Variants in FAAH2 observed in about 807,000 individuals in gnomAD.
FAAH2 encodes fatty-acid amide hydrolase 2.
FAAH2 carries 60 observed loss-of-function variants against 36.9 expected under a neutral mutation model. That is an observed-to-expected ratio of 1.63 (90% confidence interval 1.32 to 2.02). The LOEUF (loss-of-function observed/expected upper bound fraction) is 2.02. Among genes scored for constraint, FAAH2 ranks in the 30% most tolerant of loss-of-function variants. FAAH2 has a pLI of 0.00. For synonymous variants in FAAH2, 214 were observed against 143.8 expected (o/e 1.49, Z -3.49); for missense variants, 689 against 397.5 (o/e 1.73, Z -6.23).
the FAAH2 span, among the ~76,000 whole-genome samples, chrX:57,219,863 C>CTTTT: frequency 9.0e-3 from 321 of 35,615 alleles, 51 homozygotes; most frequent in African/African-American, 0.031. Context: ...AGCGCCTTGT[C>CTTTT]TTTTTTTTTT....
chrX:57,433,180 C>T (rs1190582989), intron 8 of FAAH2, among the ~76,000 whole-genome samples: 1 of 111,383 alleles, frequency 9.0e-6, no homozygotes, highest in South Asian at 3.7e-4. Flanking sequence ...TTCCAGAAGA[C>T]ACTGTCTTAT....
At chrX:57,283,134 C>A (rs932199302), upstream of FAAH2, among the ~76,000 whole-genome samples, 6 of 112,304 alleles carry the variant, frequency 5.3e-5, no homozygotes, top group South Asian at 2.2e-3. Context: ...GGGAACAGAC[C>A]AGCCTCTTCT....
At chrX:57,484,564 T>C (rs1301076310) in intron 10 of FAAH2, among the ~76,000 whole-genome samples, 4 of 111,980 alleles carry the variant, frequency 3.6e-5, no homozygotes, top group Non-Finnish European at 7.5e-5. Context: ...AATGCCTCTC[T>C]TGCAACTCTC....
intron 5 of FAAH2, among the ~76,000 whole-genome samples, chrX:57,376,069 C>A (rs999765647): frequency 1.8e-5 from 2 of 111,188 alleles, no homozygotes; most frequent in African/African-American, 3.3e-5. Context: ...GGATATTATT[C>A]TGTTTCATTA....
At chrX:57,424,093 T>G (rs1041641871) in intron 7 of FAAH2, among the ~76,000 whole-genome samples, 2 of 111,931 alleles carry the variant, frequency 1.8e-5, no homozygotes, top group Non-Finnish European at 3.8e-5. Flanking sequence ...ACCCACCTGG[T>G]ACATTAAGAC....
At chrX:57,406,720 A>G (rs948269164) in intron 7 of FAAH2, among the ~76,000 whole-genome samples, 1 of 112,662 alleles carries the variant, frequency 8.9e-6, no homozygotes, top group Non-Finnish European at 1.9e-5. Flanking sequence ...TGCAGCCCAA[A>G]ACATACAGTT....
At chrX:57,178,596 T>C in the FAAH2 span, among the ~76,000 whole-genome samples, 1 of 111,772 alleles carries the variant, frequency 8.9e-6, no homozygotes, top group African/African-American at 3.3e-5. Context: ...AAGTCCACAC[T>C]CTGGCTCCTT....
At chrX:57,466,316 C>T (rs1404298730) in intron 10 of FAAH2, among the ~76,000 whole-genome samples, 1 of 106,064 alleles carries the variant, frequency 9.4e-6, no homozygotes, top group Non-Finnish European at 1.9e-5. Flanking sequence ...CTGTTTTAAT[C>T]CATAAATCAG....
intron 7 of FAAH2, among the ~76,000 whole-genome samples, chrX:57,419,058 T>TA (rs1223873623): frequency 9.4e-6 from 1 of 106,899 alleles, no homozygotes; most frequent in African/African-American, 3.4e-5. Context: ...CATCATTTTT[T>TA]ATGGCTGCAT....
the FAAH2 span, among the ~76,000 whole-genome samples, chrX:57,280,832 A>G: frequency 8.9e-6 from 1 of 112,407 alleles, no homozygotes; most frequent in Non-Finnish European, 1.9e-5. Flanking sequence ...GATATCCTTC[A>G]ATAGTGAAAA....
At chrX:57,321,842 T>A (rs180976801) in intron 3 of FAAH2, among the ~76,000 whole-genome samples, 2 of 111,814 alleles carry the variant, frequency 1.8e-5, no homozygotes, top group East Asian at 2.8e-4. Context: ...CTTTTTAGGG[T>A]CACCAGTCTG....
intron 10 of FAAH2, among the ~76,000 whole-genome samples, 184 bp downstream of exon 10, chrX:57,448,902 C>A (rs933634011): frequency 8.9e-6 from 1 of 112,165 alleles, no homozygotes; most frequent in African/African-American, 3.2e-5. Context: ...TTGCCAATAT[C>A]TGGTTTCTCC....
At chrX:57,183,155 C>A in the FAAH2 span, among the ~76,000 whole-genome samples, 2 of 110,831 alleles carry the variant, frequency 1.8e-5, no homozygotes, top group Non-Finnish European at 3.8e-5. Flanking sequence ...TACTACAAAC[C>A]CCCATGACAC....
chrX:57,275,008 A>C, the FAAH2 span, among the ~76,000 whole-genome samples: 1 of 112,008 alleles, frequency 8.9e-6, no homozygotes, highest in Non-Finnish European at 1.9e-5. Flanking sequence ...AGAAAACCCC[A>C]TCATCTCAGC....
At chrX:57,423,628 A>G (rs1057412669) in intron 7 of FAAH2, among the ~76,000 whole-genome samples, 2 of 111,286 alleles carry the variant, frequency 1.8e-5, no homozygotes, top group Non-Finnish European at 3.8e-5. Context: ...GCTCTTTGGC[A>G]CAGCAGAGGT....
At chrX:57,466,156 C>CTCTCTA (rs1287266105) in intron 10 of FAAH2, among the ~76,000 whole-genome samples, 264 of 66,389 alleles carry the variant, frequency 4.0e-3, no homozygotes, top group African/African-American at 0.013. Context: ...CTCTCTCTCT[C>CTCTCTA]TATATATATA....
the FAAH2 span, among the ~76,000 whole-genome samples, chrX:57,270,781 A>T: frequency 9.0e-6 from 1 of 111,496 alleles, no homozygotes; most frequent in Non-Finnish European, 1.9e-5. Flanking sequence ...TCTAAGCCTG[A>T]GGAACTCCAG....
intron 1 of FAAH2, chrX:57,290,387 T>A (rs1370777795): frequency 2.2e-6 from 1 of 449,635 alleles, no homozygotes; most frequent in African/African-American, 2.7e-5. Context: ...CTGAAATCTC[T>A]GTCTGTGCAT....
the FAAH2 span, among the ~76,000 whole-genome samples, chrX:57,257,545 G>T: frequency 9.1e-6 from 1 of 109,713 alleles, no homozygotes; most frequent in Admixed American, 9.7e-5. Context: ...GCCTGTCGGG[G>T]GGTGGGGGTC....
Sources: gnomAD v4.1 joint callset for allele counts (sites outside exome capture counted in the v4.1 genomes callset) on GRCh38, gnomAD v4.1.1 for gene constraint, MANE v1.5 for transcripts, NCBI Gene and HGNC (gene_info 2026-07-23, HGNC 2026-07-21) for gene names.